Variants in DNAH7 observed in about 807,000 individuals in gnomAD.
DNAH7 encodes the protein dynein axonemal heavy chain 7, also known as axonemal beta dynein heavy chain 7.
DNAH7 carries 397 observed loss-of-function variants against 444.6 expected under a neutral mutation model. That is an observed-to-expected ratio of 0.89 (90% CI 0.82 to 0.97). The LOEUF is 0.97. DNAH7 is among the 50% of genes least tolerant of loss of function. The probability of loss-of-function intolerance (pLI) is 0.00; values close to 1 mark genes in which losing one functional copy is unlikely to be tolerated. For missense variants in DNAH7, 4,902 were observed against 4,800.8 expected, an observed-to-expected ratio of 1.02 and a Z score of -0.62; for synonymous variants, 1,636 against 1,624.4, an observed-to-expected ratio of 1.01 and a Z score of -0.17.
chr2:195,899,173 TGCAGTGTCA>T (rs1446493789), intron 28 of DNAH7, among the ~76,000 whole-genome samples: 1 of 152,232 alleles, frequency 6.6e-6, no homozygotes, highest in Admixed American at 6.5e-5. Context: ...ACATCAATTA[TGCAGTGTCA>T]GAAGTCTCTT....
intron 51 of DNAH7, among the ~76,000 whole-genome samples, chr2:195,810,078 GTTTTTT>G (rs952412961): frequency 6.9e-6 from 1 of 145,466 alleles, no homozygotes; most frequent in Non-Finnish European, 1.5e-5. Flanking sequence ...TGTGGACTGA[GTTTTTT>G]TTTTTTAAAA....
At chr2:195,840,807 C>T (rs1187767314) in intron 47 of DNAH7, among the ~76,000 whole-genome samples, 3 of 151,696 alleles carry the variant, frequency 2.0e-5, no homozygotes, top group African/African-American at 7.2e-5. Flanking sequence ...GGCCTAAGTA[C>T]ACAAAGAAAT....
chr2:195,975,281 C>T (rs1692113746), intron 15 of DNAH7, among the ~76,000 whole-genome samples: 1 of 151,370 alleles, frequency 6.6e-6, no homozygotes, highest in African/African-American at 2.4e-5. Flanking sequence ...CACTGAGAAT[C>T]TCTGTTCTCA....
intron 51 of DNAH7, among the ~76,000 whole-genome samples, chr2:195,814,744 T>A (rs139337129): frequency 6.6e-6 from 1 of 152,204 alleles, no homozygotes; most frequent in Non-Finnish European, 1.5e-5. Flanking sequence ...GGAATAATTT[T>A]TTTTTTTCTT....
At chr2:195,834,680 G>A (rs1179779608) in intron 47 of DNAH7, among the ~76,000 whole-genome samples, 1 of 152,182 alleles carries the variant, frequency 6.6e-6, no homozygotes, top group Non-Finnish European at 1.5e-5. Context: ...CAACCATCAA[G>A]AGGACTGCGT....
Position 195,906,570 on chromosome 2 carries a change from A to G in DNAH7, c.4335+89T>C, listed in dbSNP as rs770834522. 322 of 1,302,248 alleles carry G rather than the reference A, an allele frequency of 2.5e-4. No homozygotes were observed. In the Middle Eastern group the frequency reaches 4.3e-3, roughly 17 times the overall value. 80.7% of individuals were successfully genotyped at this position (1,302,248 alleles called of 1,614,324 possible). On this transcript the variant is annotated intron_variant, in intron 27 of 64. Coordinates refer to ENST00000312428, the MANE Select transcript of DNAH7 (RefSeq NM_018897.3). ...CAGCCTCCTAAAGTGCTAGGATTAT[A>G]GGCGTTAGCCACCACGCCCAGCTCT...
At chr2:196,065,573 T>C (rs772130415) in intron 1 of DNAH7, among the ~76,000 whole-genome samples, 30 of 152,306 alleles carry the variant, frequency 2.0e-4, no homozygotes, top group Non-Finnish European at 4.0e-4. Flanking sequence ...TGACTTCTAA[T>C]AGGAATTATC....
intron 27 of DNAH7, chr2:195,902,094 T>C (rs1686746000): frequency 6.6e-6 from 1 of 152,150 alleles, no homozygotes; most frequent in Non-Finnish European, 1.5e-5. Context: ...AGTTCATAAG[T>C]ACATTCTGGG....
In DNAH7 at chr2:196,012,812, A is replaced by G. The variant is rs1321470169; in HGVS notation, c.964T>C (p.Ser322Pro). ...FQNIIMRHMD[S>P]AKETLLKMWF... ...ATTTTAAGTAGAGTCTCTTTGGCAG[A>G]GTCCATGTGTCTCATGATAATGTTC... The change falls in exon 10 of 65, where the codon TCT (serine) becomes CCT (proline). Residue 322 changes from serine to proline, a missense_variant. Coordinates refer to ENST00000312428, the MANE Select transcript of DNAH7 (RefSeq NM_018897.3). 1 of 1,594,508 alleles carries G rather than the reference A, an allele frequency of 6.3e-7. No homozygotes were observed. Among genetic ancestry groups the G allele is most frequent in the African/African-American group, 1.4e-5 (1 of 73,836 alleles).
At chr2:195,812,686 T>A (rs1467861206) in intron 51 of DNAH7, among the ~76,000 whole-genome samples, 1 of 152,118 alleles carries the variant, frequency 6.6e-6, no homozygotes, top group Admixed American at 6.5e-5. Flanking sequence ...TACATTTATA[T>A]CCCTAAATAA....
Position 195,888,132 on chromosome 2 carries a change from T to C in DNAH7, c.5406+126A>G, listed in dbSNP as rs548469372. 6 of 785,458 alleles carry C rather than the reference T, an allele frequency of 7.6e-6. No homozygotes were observed. The African/African-American group carries it at 9.2e-5, about 12-fold the overall frequency. The allele number at this position is 785,458 out of a possible 1,614,324, so 48.7% of individuals were successfully genotyped here. ...CATGAATTCTAATCTAAATTTTTAA[T>C]TTAATCAAAAAGGTTTTGATTTAAT... On this transcript the variant is annotated intron_variant, in intron 33 of 64. Transcript: ENST00000312428.
At chr2:195,980,762 C>T (rs1305564175) in intron 15 of DNAH7, among the ~76,000 whole-genome samples, 1 of 151,870 alleles carries the variant, frequency 6.6e-6, no homozygotes, top group Non-Finnish European at 1.5e-5. Context: ...TTCATATGAC[C>T]ATTTTGATTG....
chr2:195,868,819 G>A (rs535647250), intron 40 of DNAH7, among the ~76,000 whole-genome samples: 14 of 150,114 alleles, frequency 9.3e-5, no homozygotes, highest in African/African-American at 3.4e-4. Flanking sequence ...AGAAGCCAAA[G>A]GGAATGAGTT....
At chr2:195,935,592 C>T (rs911261215) in intron 20 of DNAH7, among the ~76,000 whole-genome samples, 3 of 152,022 alleles carry the variant, frequency 2.0e-5, no homozygotes, top group Non-Finnish European at 4.4e-5. Context: ...GCTTATATTC[C>T]GCTAGAGGAA....
chr2:195,856,730 T>C lies in DNAH7; in HGVS notation c.8414+647A>G, dbSNP rs897802998. Among the ~76,000 whole-genome samples, 93 of 152,342 alleles carry C rather than the reference T, an allele frequency of 6.1e-4. 1 individual carries two copies. Among genetic ancestry groups the C allele is most frequent in the South Asian group, 2.1e-3 (10 of 4,830 alleles). On this transcript the variant is annotated intron_variant, in intron 44 of 64. Transcript: ENST00000312428. ...TACATTATGCCAGTGGTTTTTAAAG[T>C]GTGGTCCAAGGACCCCTGGGGATCC...
intron 63 of DNAH7, among the ~76,000 whole-genome samples, chr2:195,749,563 CAA>C (rs1693652083): frequency 6.6e-6 from 1 of 151,830 alleles, no homozygotes; most frequent in South Asian, 2.1e-4. Context: ...TTCACAATAG[CAA>C]AGACTTGGAA....
chr2:195,812,488 T>C (rs1697015747), intron 51 of DNAH7, among the ~76,000 whole-genome samples: 1 of 152,204 alleles, frequency 6.6e-6, no homozygotes, highest in African/African-American at 2.4e-5. Context: ...ATTTATGTTA[T>C]TTTTGTTTTA....
chr2:195,929,390 G>A (rs944677098), intron 21 of DNAH7, among the ~76,000 whole-genome samples: 4 of 152,008 alleles, frequency 2.6e-5, no homozygotes, highest in African/African-American at 9.7e-5. Flanking sequence ...AATTCACATG[G>A]AACCACAAGA....
At chr2:195,966,404 GAGA>G (rs1164992406) in intron 17 of DNAH7, among the ~76,000 whole-genome samples, 1 of 152,090 alleles carries the variant, frequency 6.6e-6, no homozygotes, top group African/African-American at 2.4e-5. Flanking sequence ...ATATGCTGAG[GAGA>G]AGAATTCGCG....
Sources: gnomAD v4.1 joint callset for allele counts (sites outside exome capture counted in the v4.1 genomes callset) on GRCh38, gnomAD v4.1.1 for gene constraint, MANE v1.5 for transcripts, NCBI Gene and HGNC (gene_info 2026-07-23, HGNC 2026-07-21) for gene names.